The following MDFIC2 variants were observed in gnomAD, a reference collection of about 807,000 sequenced individuals.
MDFIC2 encodes myoD family inhibitor domain-containing protein 2.
chr3:70,283,073 T>C (rs1702105221), intron 2 of MDFIC2, among the ~76,000 whole-genome samples: 1 of 152,166 alleles, frequency 6.6e-6, no homozygotes, highest in African/African-American at 2.4e-5. Flanking sequence ...CTCAGTATGA[T>C]TCTCTCCACC....
intron 2 of MDFIC2, among the ~76,000 whole-genome samples, chr3:70,209,342 C>A (rs1559535443): frequency 6.6e-6 from 1 of 152,172 alleles, no homozygotes; most frequent in East Asian, 1.9e-4. Context: ...CCTTGTGGGA[C>A]AAAATCACTG....
intron 2 of MDFIC2, among the ~76,000 whole-genome samples, chr3:70,211,367 C>T (rs753054252): frequency 0.27 from 474 of 1,738 alleles, 176 homozygotes; most frequent in Non-Finnish European, 0.51. Flanking sequence ...TCCCTTTGCC[C>T]TTCCCTTCCC....
intron 2 of MDFIC2, among the ~76,000 whole-genome samples, chr3:70,268,077 A>G (rs1701938004): frequency 6.9e-6 from 1 of 145,758 alleles, no homozygotes. Flanking sequence ...TAAGGACTTC[A>G]TTGTTTTTAG....
chr3:70,274,367 T>C (rs1381675959), intron 2 of MDFIC2, among the ~76,000 whole-genome samples: 1 of 151,470 alleles, frequency 6.6e-6, no homozygotes, highest in Non-Finnish European at 1.5e-5. Context: ...CTTAATTCTC[T>C]TGAAATATAG....
At chr3:70,254,756 A>T (rs1701799298) in intron 2 of MDFIC2, among the ~76,000 whole-genome samples, 1 of 152,208 alleles carries the variant, frequency 6.6e-6, no homozygotes, top group Non-Finnish European at 1.5e-5. Context: ...GAGATATTCT[A>T]TCACCTCTCC....
chr3:70,206,619 G>A lies in MDFIC2; in HGVS notation c.260C>T (p.Thr87Ile). Reference sequence around the variant, plus strand: ...AGTATCAGTTTGGAGGTAAGAAAATGTTGTTTGGCATTCTTCAAGGGAGGA... The same window carrying A: ...AGTATCAGTTTGGAGGTAAGAAAATATTGTTTGGCATTCTTCAAGGGAGGA... ...SLSSLEECQT[T>I]FSYLQTDTSV... is the part of the protein sequence containing the mutation. Residue 87 changes from threonine (T) to isoleucine (I), a missense_variant, in exon 3 of 4, where the codon ACA becomes ATA. Physicochemically the swap from Thr to Ile is moderately conservative, Grantham distance 89 (BLOSUM62 -1). Coordinates refer to ENST00000567252, the MANE Select transcript of MDFIC2 (RefSeq NM_001364677.1). 3 of 397,790 alleles carry A rather than the reference G, an allele frequency of 7.5e-6. No individual in the cohort carries two copies. The highest frequency in any genetic ancestry group is 1.3e-5 in the Non-Finnish European group (3 of 225,508). The allele number at this position is 397,790 out of a possible 1,614,324, so 24.6% of individuals were successfully genotyped here.
chr3:70,281,855 A>G (rs1003103317), intron 2 of MDFIC2, among the ~76,000 whole-genome samples: 2 of 152,204 alleles, frequency 1.3e-5, no homozygotes, highest in Non-Finnish European at 2.9e-5. Flanking sequence ...CTTCAGCCAC[A>G]GAAATTCTAG....
chr3:70,198,930 A>G (rs369153504), intron 3 of MDFIC2, among the ~76,000 whole-genome samples: 8 of 152,330 alleles, frequency 5.3e-5, no homozygotes, highest in African/African-American at 1.9e-4. Context: ...TGCTTTTCTG[A>G]AAAGGAAAAG....
At chr3:70,304,197 T>C (rs1296923399) in intron 2 of MDFIC2, among the ~76,000 whole-genome samples, 1 of 152,118 alleles carries the variant, frequency 6.6e-6, no homozygotes, top group Admixed American at 6.6e-5. Context: ...ACTCCTGTTT[T>C]CTTTCACTTC....
chr3:70,200,413 C>T (rs1208829728), intron 3 of MDFIC2, among the ~76,000 whole-genome samples: 1 of 152,186 alleles, frequency 6.6e-6, no homozygotes. Flanking sequence ...ACTCACAGCA[C>T]TCCAGCCACA....
intron 2 of MDFIC2, among the ~76,000 whole-genome samples, chr3:70,273,282 C>G (rs1311513705): frequency 6.6e-6 from 1 of 152,176 alleles, no homozygotes; most frequent in Admixed American, 6.5e-5. Flanking sequence ...TTAGTCGACT[C>G]AACAATTTCT....
At chr3:70,261,327 C>T (rs764213185) in intron 2 of MDFIC2, among the ~76,000 whole-genome samples, 13 of 152,122 alleles carry the variant, frequency 8.5e-5, no homozygotes, top group Non-Finnish European at 1.9e-4. Context: ...CTTGTCCCTT[C>T]ATCATAATCT....
intron 2 of MDFIC2, among the ~76,000 whole-genome samples, chr3:70,246,941 A>G (rs1308495015): frequency 2.0e-5 from 3 of 152,074 alleles, no homozygotes; most frequent in Non-Finnish European, 1.5e-5. Flanking sequence ...ATTCGTAATT[A>G]TAGGTTCTGG....
intron 2 of MDFIC2, among the ~76,000 whole-genome samples, chr3:70,207,258 A>G (rs1701299680): frequency 6.6e-6 from 1 of 152,038 alleles, no homozygotes; most frequent in African/African-American, 2.4e-5. Flanking sequence ...CTCCTCTGTA[A>G]AAAGAAAAAT....
intron 2 of MDFIC2, among the ~76,000 whole-genome samples, chr3:70,294,284 T>C (rs762060550): frequency 6.6e-6 from 1 of 152,168 alleles, no homozygotes; most frequent in Non-Finnish European, 1.5e-5. Context: ...TCTTTTTTGC[T>C]AATGAAACCT....
At chr3:70,209,120 C>T (rs1256087540) in intron 2 of MDFIC2, among the ~76,000 whole-genome samples, 1 of 151,954 alleles carries the variant, frequency 6.6e-6, no homozygotes, top group Non-Finnish European at 1.5e-5. Context: ...TCAAGGCATC[C>T]AGTAATCAGC....
chr3:70,290,386 A>C (rs7622664), intron 2 of MDFIC2, among the ~76,000 whole-genome samples: 9,018 of 152,276 alleles, frequency 0.059, 655 homozygotes, highest in East Asian at 0.37. Flanking sequence ...GCCAGGGGTC[A>C]GGGACCCACT....
chr3:70,311,847 T>G (rs954049295), intron 2 of MDFIC2, 39 bp downstream of exon 2: 1 of 397,004 alleles, frequency 2.5e-6, no homozygotes, highest in African/African-American at 2.1e-5. Flanking sequence ...AAAAGCAAAA[T>G]TTTCACACCA....
intron 2 of MDFIC2, among the ~76,000 whole-genome samples, chr3:70,285,229 C>T (rs1156739173): frequency 7.5e-6 from 1 of 132,840 alleles, no homozygotes; most frequent in East Asian, 2.3e-4. Context: ...CACAACAGTC[C>T]CCAGAGTGTG....
Sources: allele counts gnomAD v4.1 joint callset (sites outside exome capture counted in the v4.1 genomes callset), GRCh38; gene constraint gnomAD v4.1.1; transcripts MANE v1.5; gene names NCBI Gene and HGNC (gene_info 2026-07-23, HGNC 2026-07-21).